The following TSHZ2 variants were observed in gnomAD, a reference collection of about 807,000 sequenced individuals.
TSHZ2 encodes the protein teashirt zinc finger homeobox 2.
TSHZ2 carries 21 observed loss-of-function variants against 74.4 expected under a neutral mutation model. The ratio of observed to expected loss-of-function variants is 0.28; its 90% CI spans 0.20 to 0.41. TSHZ2 has a LOEUF of 0.41. TSHZ2 is among the 10% of genes least tolerant of loss of function. TSHZ2 has a pLI of 1.00. For synonymous variants in TSHZ2, 540 were observed against 515.3 expected, an observed-to-expected ratio of 1.05 and a Z score of -0.65; for missense variants, 1,244 against 1,293.5, an observed-to-expected ratio of 0.96 and a Z score of 0.59.
At chr20:53,367,077 T>A (rs1981288769) in intron 2 of TSHZ2, among the ~76,000 whole-genome samples, 1 of 152,096 alleles carries the variant, frequency 6.6e-6, no homozygotes, top group East Asian at 1.9e-4. Context: ...TGCCAAATAA[T>A]TCAGAATTTT....
intron 1 of TSHZ2, among the ~76,000 whole-genome samples, chr20:53,182,837 T>G (rs1239088947): frequency 6.6e-6 from 1 of 152,204 alleles, no homozygotes; most frequent in Admixed American, 6.5e-5. Context: ...CTATGTGTGT[T>G]CAATGTTCTA....
At chr20:53,029,536 C>A (rs1330696575) in intron 1 of TSHZ2, among the ~76,000 whole-genome samples, 1 of 152,034 alleles carries the variant, frequency 6.6e-6, no homozygotes, top group Admixed American at 6.6e-5. Flanking sequence ...ATTAGCTGGG[C>A]GTGGAGGCAC....
At chr20:53,108,921 C>G (rs979176980) in intron 1 of TSHZ2, among the ~76,000 whole-genome samples, 1 of 152,148 alleles carries the variant, frequency 6.6e-6, no homozygotes. Context: ...CCTGCAGTTT[C>G]TGAAGAATAC....
chr20:53,084,168 T>C (rs1327308581), intron 1 of TSHZ2, among the ~76,000 whole-genome samples: 1 of 152,218 alleles, frequency 6.6e-6, no homozygotes, highest in East Asian at 1.9e-4. Context: ...CAGCAATTAC[T>C]CAAAAGATTT....
chr20:53,192,990 C>A (rs1988774293), intron 1 of TSHZ2, among the ~76,000 whole-genome samples: 1 of 152,122 alleles, frequency 6.6e-6, no homozygotes, highest in African/African-American at 2.4e-5. Flanking sequence ...GGCAGAGCGG[C>A]TGTGCCAGCA....
chr20:53,150,058 G>T (rs1020143272), intron 1 of TSHZ2, among the ~76,000 whole-genome samples: 1 of 152,116 alleles, frequency 6.6e-6, no homozygotes, highest in South Asian at 2.1e-4. Context: ...CGGACACTGC[G>T]GTAAATGTTT....
intron 2 of TSHZ2, among the ~76,000 whole-genome samples, chr20:53,326,228 A>G (rs913516652): frequency 1.3e-5 from 2 of 152,236 alleles, no homozygotes; most frequent in African/African-American, 2.4e-5. Flanking sequence ...TATTAGAGGA[A>G]CAATGACTTT....
chr20:53,160,080 G>T (rs1987893244), intron 1 of TSHZ2, among the ~76,000 whole-genome samples: 1 of 152,190 alleles, frequency 6.6e-6, no homozygotes, highest in African/African-American at 2.4e-5. Context: ...AGGCCCAGTG[G>T]TAGGAGGGCA....
chr20:53,058,253 C>A (rs1984707753), intron 1 of TSHZ2, among the ~76,000 whole-genome samples: 1 of 152,168 alleles, frequency 6.6e-6, no homozygotes, highest in Admixed American at 6.5e-5. Context: ...TGGTATGGGT[C>A]TGTAGCCCCA....
intron 2 of TSHZ2, among the ~76,000 whole-genome samples, chr20:53,363,166 C>A (rs768175973): frequency 6.6e-6 from 1 of 152,244 alleles, no homozygotes; most frequent in Non-Finnish European, 1.5e-5. Context: ...CTCTGCTGCC[C>A]ATGGTGGGCC....
intron 2 of TSHZ2, among the ~76,000 whole-genome samples, chr20:53,280,285 C>A (rs1359901673): frequency 6.6e-6 from 1 of 152,202 alleles, no homozygotes. Flanking sequence ...ATAACTTTTT[C>A]TTAACCTCCT....
At chr20:53,237,910 C>G (rs1461125815) in intron 1 of TSHZ2, among the ~76,000 whole-genome samples, 1 of 152,104 alleles carries the variant, frequency 6.6e-6, no homozygotes, top group Non-Finnish European at 1.5e-5. Context: ...ACAGTCAAGT[C>G]ATTGGGGGAT....
At chr20:53,190,122 TATATATATATATA>T (rs1568803405) in intron 1 of TSHZ2, among the ~76,000 whole-genome samples, 4 of 94,674 alleles carry the variant, frequency 4.2e-5, no homozygotes, top group African/African-American at 1.6e-4. Context: ...TATATATATA[TATATATATATATA>T]TATTTTCTTA....
intron 2 of TSHZ2, among the ~76,000 whole-genome samples, chr20:53,359,514 TG>T (rs1405404688): frequency 6.6e-6 from 1 of 152,226 alleles, no homozygotes; most frequent in Non-Finnish European, 1.5e-5. Flanking sequence ...CACATTTAAC[TG>T]GGTTTGCTGT....
intron 1 of TSHZ2, among the ~76,000 whole-genome samples, chr20:53,115,048 G>C (rs560577014): frequency 1.3e-5 from 2 of 152,076 alleles, no homozygotes; most frequent in Non-Finnish European, 2.9e-5. Context: ...CAAGTCTTAC[G>C]CATTTGGGTG....
intron 2 of TSHZ2, among the ~76,000 whole-genome samples, chr20:53,284,655 G>A (rs563640128): frequency 2.0e-5 from 3 of 152,174 alleles, no homozygotes; most frequent in South Asian, 4.1e-4. Context: ...CCAAAAACAC[G>A]GGAAAACATA....
intron 1 of TSHZ2, among the ~76,000 whole-genome samples, chr20:53,136,465 T>C (rs547002173): frequency 6.6e-6 from 1 of 152,234 alleles, no homozygotes; most frequent in African/African-American, 2.4e-5. Flanking sequence ...CCACCATGTA[T>C]TGGCTACTTG....
chr20:53,441,122 A>G (rs572025536), intron 2 of TSHZ2, among the ~76,000 whole-genome samples: 7 of 152,332 alleles, frequency 4.6e-5, no homozygotes, highest in African/African-American at 1.7e-4. Context: ...TGAGAAGCCA[A>G]TCTTGAGAAG....
In TSHZ2 at chr20:53,231,044, G is replaced by A. The variant is rs138405287; in HGVS notation, c.41-22455G>A. 3.2e-3 allele frequency among the ~76,000 whole-genome samples: 490 copies of A among 152,280 alleles called. 5 individuals carry two copies. Among genetic ancestry groups the A allele is most frequent in the African/African-American group, 0.011 (474 of 41,554 alleles). ...AGAGGCTGGACTTTCTGTCTGCTTT[G>A]CTTTCTTGAGGGAAGGAGGGTATTT... On this transcript the variant is annotated intron_variant, in intron 1 of 2. Transcript: ENST00000371497.
Sources: gnomAD v4.1 joint callset for allele counts (sites outside exome capture counted in the v4.1 genomes callset) on GRCh38, gnomAD v4.1.1 for gene constraint, MANE v1.5 for transcripts, NCBI Gene and HGNC (gene_info 2026-07-23, HGNC 2026-07-21) for gene names.